THOP1: variants seen among roughly 807,000 people sequenced by gnomAD.
The protein encoded by THOP1 is thimet oligopeptidase 1.
Under a neutral mutation model 71.8 loss-of-function variants are expected in THOP1, and 49 were observed. The ratio of observed to expected loss-of-function variants is 0.68; its 90% CI spans 0.54 to 0.87. The LOEUF (loss-of-function observed/expected upper bound fraction) is 0.87, where lower values mean the gene tolerates loss of function less well. Among genes scored for constraint, THOP1 ranks in the 40% least tolerant of loss-of-function variants. The pLI is 0.00. For missense variants in THOP1, 843 were observed against 975.6 expected, an observed-to-expected ratio of 0.86 and a Z score of 1.81; for synonymous variants, 426 against 421.5, an observed-to-expected ratio of 1.01 and a Z score of -0.13.
At chr19:2,802,749 C>T (rs1424048024) in intron 5 of THOP1, among the ~76,000 whole-genome samples, 2 of 152,234 alleles carry the variant, frequency 1.3e-5, no homozygotes, top group African/African-American at 4.8e-5. Flanking sequence ...TTCTGCCGCC[C>T]TCACCCTCTG....
At position 2,790,602 on chromosome 19, in the gene THOP1, G is replaced by T; in HGVS notation, c.198G>T (p.Lys66Asn). Residue 66 changes from lysine (K) to asparagine (N), a missense_variant, in exon 2 of 13, where the codon AAG becomes AAT. Physicochemically the swap from Lys to Asn is moderately conservative, Grantham distance 94. Transcript: ENST00000307741. The part of the protein sequence containing the change: ...FEDVSYESTL[K>N]ALADVEVTYT... ...ACGTGTCCTACGAGAGCACGCTCAAGGCGCTGGCCGATGTGGAGGTCACCT... is the reference window on the plus strand; with the variant it reads ...ACGTGTCCTACGAGAGCACGCTCAATGCGCTGGCCGATGTGGAGGTCACCT... The T allele has an allele frequency of 6.3e-7, 1 of 1,584,472 alleles. No individual in the cohort carries two copies. The highest frequency in any genetic ancestry group is 1.7e-4 in the Middle Eastern group (1 of 5,920).
chr19:2,800,228 C>T (rs566290669), intron 5 of THOP1, among the ~76,000 whole-genome samples: 2 of 152,194 alleles, frequency 1.3e-5, no homozygotes, highest in Non-Finnish European at 2.9e-5. Flanking sequence ...CTCTGTTGCC[C>T]AGGCTGGAGT....
At position 2,801,014 on chromosome 19, in the gene THOP1, A is replaced by C. The variant is rs1167422385; in HGVS notation, c.589+1223A>C. On this transcript the variant is annotated intron_variant, in intron 5 of 12. Transcript: ENST00000307741. This position sits in a 1 kb window ranked among gnomAD's most constrained non-coding sequence, Gnocchi z 5.1. ...AAGCTTCTCATTGCAAGTGACTCCC[A>C]AGGAGACTGGGCGTCCAGCTCAAAT... Among the ~76,000 whole-genome samples, 1 of 152,180 alleles carries C rather than the reference A, an allele frequency of 6.6e-6. No individual in the cohort carries two copies. Among genetic ancestry groups the C allele is most frequent in the Non-Finnish European group, 1.5e-5 (1 of 68,026 alleles).
chr19:2,787,908 C>T (rs1488651495), intron 1 of THOP1, among the ~76,000 whole-genome samples: 2 of 152,190 alleles, frequency 1.3e-5, no homozygotes, highest in African/African-American at 4.8e-5. Context: ...CACCCTGGTG[C>T]GTATTCCTGC....
At chr19:2,800,924 C>G (rs1373232764) in intron 5 of THOP1, among the ~76,000 whole-genome samples, 1 of 152,024 alleles carries the variant, frequency 6.6e-6, no homozygotes, top group Non-Finnish European at 1.5e-5. Flanking sequence ...TGTTAGCAAG[C>G]AGAAGGACTC....
At position 2,810,635 on chromosome 19, in the gene THOP1, C is replaced by T; in HGVS notation, c.1643-5C>T. 6.4e-7 allele frequency: 1 copy of T among 1,550,900 alleles called. No individual in the cohort carries two copies. The highest frequency in any genetic ancestry group is 8.7e-7 in the Non-Finnish European group (1 of 1,147,484). ...AGGCCAGCTCTCTCCTTCCCTCCCGCCCAGGCCTCTTCAACCTGCGCCAGA... is the reference window on the plus strand; with the variant it reads ...AGGCCAGCTCTCTCCTTCCCTCCCGTCCAGGCCTCTTCAACCTGCGCCAGA... On this transcript the variant is annotated splice_polypyrimidine_tract_variant and splice_region_variant and intron_variant, in intron 10 of 12. Coordinates refer to ENST00000307741, the MANE Select transcript of THOP1 (RefSeq NM_003249.5).
chr19:2,807,875 C>A, intron 8 of THOP1, 67 bp downstream of exon 8: 1 of 1,408,452 alleles, frequency 7.1e-7, no homozygotes, highest in Non-Finnish European at 9.3e-7. Flanking sequence ...CCGGTGTGCC[C>A]GTCTGAGATG....
At chr19:2,795,979 C>T in intron 3 of THOP1, 102 bp from the exon 4 acceptor site, 2 of 841,262 alleles carry the variant, frequency 2.4e-6, no homozygotes, top group Non-Finnish European at 3.9e-6. Context: ...GTTGCCAAGT[C>T]ACACGGGGGC....
In THOP1 at chr19:2,801,340, C is replaced by G. The variant is rs114071536; in HGVS notation, c.589+1549C>G. 8.7e-3 allele frequency among the ~76,000 whole-genome samples: 1,331 copies of G among 152,330 alleles called. 28 individuals are homozygous for G. The highest frequency in any genetic ancestry group is 0.03 in the African/African-American group (1,255 of 41,570). On this transcript the variant is annotated intron_variant, in intron 5 of 12. Transcript: ENST00000307741. This position sits in a 1 kb window ranked among gnomAD's most constrained non-coding sequence, Gnocchi z 5.1. The stretch of plus-strand genomic sequence containing the variant: ...TTGTCGGCGTTTCAGCTGCCTGTTT[C>G]TTTTCACGTTTGCCATCCTGCAAAC...
Position 2,813,372 on chromosome 19 carries a change from T to TCCCA in THOP1, c.*96_*97insCCCA. ...ATGGGGCAGGCTCTGGCACAGTGCCTGGGACTGGCAGGGTGGCTGAGCGGC... is the reference window on the plus strand; with the variant it reads ...ATGGGGCAGGCTCTGGCACAGTGCCTCCCAGGGACTGGCAGGGTGGCTGAGCGGC... On this transcript the variant is annotated 3_prime_UTR_variant, in exon 13 of 13. Coordinates refer to ENST00000307741, the MANE Select transcript of THOP1 (RefSeq NM_003249.5). The TCCCA allele has an allele frequency of 7.2e-7, 1 of 1,385,756 alleles. No homozygotes were observed. The highest frequency in any genetic ancestry group is 9.6e-7 in the Non-Finnish European group (1 of 1,044,658). The allele number at this position is 1,385,756 out of a possible 1,614,324, so 85.8% of individuals were successfully genotyped here.
chr19:2,808,337 G>T lies in THOP1; in HGVS notation c.1348G>T (p.Ala450Ser). 6.2e-7 allele frequency: 1 copy of T among 1,604,808 alleles called. No homozygotes were observed. Among genetic ancestry groups the T allele is most frequent in the African/African-American group, 1.3e-5 (1 of 74,884 alleles). Residue 450 changes from alanine (A) to serine (S), a missense_variant, in exon 9 of 13, where the codon GCC becomes TCC. Physicochemically the swap from Ala to Ser is moderately conservative, Grantham distance 99. Transcript: ENST00000307741. ...CCAGATCGCCATCGCGGCCATGGTG[G>T]CCAACTTCACCAAGCCCACAGCCGA... is the stretch of plus-strand genomic sequence containing the variant. ...SRQIAIAAMV[A>S]NFTKPTADAP...
Position 2,796,151 on chromosome 19 carries a change from G to A in THOP1, c.449G>A (p.Arg150Gln), listed in dbSNP as rs775755975. Reference sequence around the variant, plus strand: ...CTGGAGCGGCTAATCAAGCTGGGCCGGAGAAATGGGCTTCACCTCCCCAGA... The same window carrying A: ...CTGGAGCGGCTAATCAAGCTGGGCCAGAGAAATGGGCTTCACCTCCCCAGA... ...RYLERLIKLG[R>Q]RNGLHLPRET... Residue 150 changes from arginine to glutamine, a missense_variant, in exon 4 of 13, where the codon CGG becomes CAG. Transcript: ENST00000307741. The A allele has an allele frequency of 3.8e-5, 61 of 1,613,528 alleles. 2 individuals are homozygous for A. The Middle Eastern group carries it at 4.8e-3, about 126-fold the overall frequency.
chr19:2,804,792 C>T lies in THOP1; in HGVS notation c.590-224C>T. 1.9e-6 allele frequency: 1 copy of T among 520,088 alleles called. No individual in the cohort carries two copies. Among genetic ancestry groups the T allele is most frequent in the Non-Finnish European group, 3.4e-6 (1 of 295,022 alleles). 32.2% of individuals were successfully genotyped at this position (520,088 alleles called of 1,614,324 possible). ...GGGGTTAGAGGCGGGACGTGAGAAA[C>T]GTGGCAGGTGGTGGCCAGGCTGTGG... On this transcript the variant is annotated intron_variant, in intron 5 of 12. Transcript: ENST00000307741. The surrounding 1 kb of genome is among the most constrained non-coding windows in gnomAD (Gnocchi z 4.7).
chr19:2,790,983 C>T (rs1333328956), intron 2 of THOP1, among the ~76,000 whole-genome samples: 1 of 152,254 alleles, frequency 6.6e-6, no homozygotes, highest in African/African-American at 2.4e-5. Flanking sequence ...GCCTCTCCAG[C>T]CTCTCCCAGA....
At chr19:2,811,789 C>CCGGGGACAGGGAGGG (rs1568327301) in intron 12 of THOP1, 55 bp downstream of exon 12, 1 of 1,546,088 alleles carries the variant, frequency 6.5e-7, no homozygotes, top group African/African-American at 1.5e-5. Flanking sequence ...TACGCGGGGA[C>CCGGGGACAGGGAGGG]TGGGGACAGG....
chr19:2,810,884 G>A (rs540280591), intron 11 of THOP1, 116 bp downstream of exon 11: 2 of 1,426,044 alleles, frequency 1.4e-6, no homozygotes, highest in South Asian at 2.8e-5. Flanking sequence ...TCCCTGCTGG[G>A]GAGCCACGGA....
intron 9 of THOP1, 101 bp downstream of exon 9, chr19:2,808,545 G>C: frequency 1.5e-6 from 2 of 1,320,996 alleles, no homozygotes; most frequent in South Asian, 1.5e-5. Context: ...GGCTCTCTCT[G>C]CACCCGTCCG....
chr19:2,813,148 C>G lies in THOP1; in HGVS notation c.1942C>G (p.Pro648Ala). ...GMDYRSCILR[P>A]GGSEDASAML... ...GGATTACAGAAGCTGCATCCTGAGA[C>G]CCGGCGGTTCCGAGGATGCCAGCGC... Residue 648 changes from proline to alanine, a missense_variant, in exon 13 of 13, where the codon CCC (proline) becomes GCC (alanine). Pro to Ala is a conservative substitution (Grantham distance 27). Coordinates refer to ENST00000307741, the MANE Select transcript of THOP1 (RefSeq NM_003249.5). 1 of 1,611,674 alleles carries G rather than the reference C, an allele frequency of 6.2e-7. No homozygotes were observed. The highest frequency in any genetic ancestry group is 1.7e-4 in the Middle Eastern group (1 of 6,054).
At position 2,810,145 on chromosome 19, in the gene THOP1, G is replaced by A. The variant is rs961681569; in HGVS notation, c.1456-159G>A. The A allele has an allele frequency of 5.1e-5, 48 of 936,818 alleles. 1 individual carries two copies. The highest frequency in any genetic ancestry group is 3.6e-4 in the South Asian group (21 of 57,558). 58.0% of individuals were successfully genotyped at this position (936,818 alleles called of 1,614,324 possible). A position where few individuals can be genotyped will look rare whatever the true frequency, so the allele number is the denominator to read the frequency against. ...AGCCAGCAGCAGCCCAGGGGCCTCC[G>A]GGTCCCGGTCGTTTTCCAGTTTTGG... is the stretch of plus-strand genomic sequence containing the variant. On this transcript the variant is annotated intron_variant, in intron 9 of 12. Coordinates refer to ENST00000307741, the MANE Select transcript of THOP1 (RefSeq NM_003249.5).
Sources: gnomAD v4.1 joint callset for allele counts (sites outside exome capture counted in the v4.1 genomes callset) on GRCh38, gnomAD v4.1.1 for gene constraint, Gnocchi (gnomAD v3.1) non-coding constraint, MANE v1.5 for transcripts, NCBI Gene and HGNC (gene_info 2026-07-23, HGNC 2026-07-21) for gene names.